Variants in CPQ observed in about 807,000 individuals in gnomAD.
CPQ encodes the protein Ser-Met dipeptidase.
In CPQ, 37 loss-of-function variants were observed where a neutral mutation model predicts 45.7. The ratio of observed to expected loss-of-function variants is 0.81; its 90% CI spans 0.62 to 1.07. CPQ has a LOEUF of 1.07. Among genes scored for constraint, CPQ ranks in the 50% least tolerant of loss-of-function variants. The pLI, the probability that CPQ is intolerant of heterozygous loss-of-function variation, is 0.00. For synonymous variants in CPQ, 186 were observed against 205.8 expected, an observed-to-expected ratio of 0.90 and a Z score of 0.82; for missense variants, 537 against 572.9, an observed-to-expected ratio of 0.94 and a Z score of 0.64.
intron 6 of CPQ, among the ~76,000 whole-genome samples, chr8:97,059,088 CG>C (rs1338337901): frequency 1.2e-4 from 18 of 152,146 alleles, no homozygotes; most frequent in Admixed American, 3.9e-4. Flanking sequence ...GAGTTATCCA[CG>C]GACCTTAACA....
intron 5 of CPQ, among the ~76,000 whole-genome samples, chr8:97,020,283 G>A (rs1809655638): frequency 6.6e-6 from 1 of 152,004 alleles, no homozygotes; most frequent in African/African-American, 2.4e-5. Flanking sequence ...GTCTGAAAGA[G>A]CACAAATTGA....
At chr8:96,938,121 C>T (rs187093467) in intron 4 of CPQ, among the ~76,000 whole-genome samples, 7 of 152,286 alleles carry the variant, frequency 4.6e-5, no homozygotes, top group East Asian at 3.9e-4. Flanking sequence ...CTTTCACCAG[C>T]GTTAACAACT....
rs746048796 is a variant in CPQ at position 96,784,939 on chromosome 8, T to C, written c.42T>C (p.Leu14=). Reference sequence around the variant, plus strand: ...TCGCATTTTTCGGTGGTGTTCACCTTTTATCCCTGTGCTCTGGGAAAGCTA... The same window carrying C: ...TCGCATTTTTCGGTGGTGTTCACCTCTTATCCCTGTGCTCTGGGAAAGCTA... ...LIFAFFGGVH[L]LSLCSGKAIC... is the part of the protein sequence containing the mutation. Residue 14 remains leucine, a synonymous_variant, in exon 2 of 8, where the codon CTT becomes CTC. Coordinates refer to ENST00000220763, the MANE Select transcript of CPQ (RefSeq NM_016134.4). 6.2e-7 allele frequency: 1 copy of C among 1,613,606 alleles called. No homozygotes were observed. The highest frequency in any genetic ancestry group is 1.3e-5 in the African/African-American group (1 of 75,010).
chr8:96,742,887 TTC>T (rs1222565923), intron 1 of CPQ, among the ~76,000 whole-genome samples: 1 of 152,152 alleles, frequency 6.6e-6, no homozygotes, highest in Non-Finnish European at 1.5e-5. Context: ...AACCCGACCT[TTC>T]TCTCTGGCTG....
chr8:96,685,564 C>G (rs555665357), intron 1 of CPQ, among the ~76,000 whole-genome samples: 4 of 151,972 alleles, frequency 2.6e-5, no homozygotes, highest in Non-Finnish European at 5.9e-5. Flanking sequence ...TCTGGGTTCT[C>G]TGTTCTGTTT....
chr8:96,691,965 C>G (rs111806573), intron 1 of CPQ, among the ~76,000 whole-genome samples: 3,696 of 152,044 alleles, frequency 0.024, 165 homozygotes, highest in African/African-American at 0.084. Context: ...CACTGAACAC[C>G]CTGGGCATTA....
At chr8:96,890,556 T>C (rs148925274) in intron 4 of CPQ, among the ~76,000 whole-genome samples, 105 of 152,352 alleles carry the variant, frequency 6.9e-4, no homozygotes, top group African/African-American at 2.5e-3. Context: ...AAGGATCTCC[T>C]GTATTCCATG....
At position 97,029,385 on chromosome 8, in the gene CPQ, A is replaced by T. The variant is rs1223724169; in HGVS notation, c.962-18A>T. The T allele has an allele frequency of 6.4e-7, 1 of 1,565,346 alleles. No individual in the cohort carries two copies. The highest frequency in any genetic ancestry group is 1.9e-5 in the Admixed American group (1 of 53,716). The stretch of plus-strand genomic sequence containing the variant: ...AAATCAACTAAAGTATCACTTTTTT[A>T]TTTTATTATTTTCCCAGGGCTGCGT... On this transcript the variant is annotated intron_variant, in intron 5 of 7. Transcript: ENST00000220763.
intron 3 of CPQ, among the ~76,000 whole-genome samples, chr8:96,849,463 G>A (rs996551931): frequency 6.6e-5 from 10 of 152,038 alleles, no homozygotes; most frequent in South Asian, 2.1e-4. Flanking sequence ...TAGTAGTCCC[G>A]GGACACATTC....
chr8:97,093,822 G>A (rs1159608424), intron 7 of CPQ, among the ~76,000 whole-genome samples: 1 of 152,092 alleles, frequency 6.6e-6, no homozygotes, highest in Non-Finnish European at 1.5e-5. Flanking sequence ...CTATTCATTT[G>A]CCTTCTACTT....
intron 2 of CPQ, among the ~76,000 whole-genome samples, chr8:96,798,588 G>A (rs1252495517): frequency 6.6e-6 from 1 of 151,942 alleles, no homozygotes; most frequent in African/African-American, 2.4e-5. Flanking sequence ...CTCAACATGT[G>A]AGTACCCCTT....
Position 96,700,465 on chromosome 8 carries a change from G to A in CPQ, c.-35+55063G>A, listed in dbSNP as rs137975283. Among the ~76,000 whole-genome samples, 278 of 152,202 alleles carry A rather than the reference G, an allele frequency of 1.8e-3. 1 individual carries two copies. Among genetic ancestry groups the A allele is most frequent in the African/African-American group, 6.3e-3 (263 of 41,536 alleles). On this transcript the variant is annotated intron_variant, in intron 1 of 7. Transcript: ENST00000220763. ...GTTGAGTGCGTGGACCAGTGACTGA[G>A]ACACAAAATGGAGATGCAGTTGTCT...
intron 1 of CPQ, among the ~76,000 whole-genome samples, chr8:96,676,800 T>C (rs760243968): frequency 1.3e-5 from 2 of 152,006 alleles, no homozygotes; most frequent in Non-Finnish European, 2.9e-5. Context: ...CTGTACCCAA[T>C]ATGAAGTCTT....
intron 6 of CPQ, among the ~76,000 whole-genome samples, chr8:97,053,434 G>A (rs2130509422): frequency 6.6e-6 from 1 of 152,272 alleles, no homozygotes; most frequent in Admixed American, 6.5e-5. Context: ...TATGGAGGTG[G>A]TAATATTTGG....
At chr8:96,898,902 C>A (rs1365993307) in intron 4 of CPQ, among the ~76,000 whole-genome samples, 1 of 151,800 alleles carries the variant, frequency 6.6e-6, no homozygotes, top group South Asian at 2.1e-4. Context: ...TCCAGCCACC[C>A]AGAAACCAAG....
At chr8:96,766,577 A>G (rs1810470540) in intron 1 of CPQ, among the ~76,000 whole-genome samples, 1 of 152,160 alleles carries the variant, frequency 6.6e-6, no homozygotes, top group African/African-American at 2.4e-5. Flanking sequence ...GGCAGCAGCC[A>G]TCATCTGTCC....
intron 1 of CPQ, among the ~76,000 whole-genome samples, chr8:96,736,718 C>T (rs907357162): frequency 6.6e-5 from 10 of 152,108 alleles, no homozygotes; most frequent in Non-Finnish European, 4.4e-5. Context: ...ATATCTGGCC[C>T]AGCAATTGCA....
chr8:96,897,954 A>C (rs1372221520), intron 4 of CPQ, among the ~76,000 whole-genome samples: 1 of 152,200 alleles, frequency 6.6e-6, no homozygotes, highest in African/African-American at 2.4e-5. Flanking sequence ...TCTTTCAAAA[A>C]GAATTATGGT....
chr8:96,694,789 G>A (rs113380902), intron 1 of CPQ, among the ~76,000 whole-genome samples: 3,694 of 152,224 alleles, frequency 0.024, 165 homozygotes, highest in African/African-American at 0.084. Context: ...GGAAATTTAT[G>A]TGTATAAGCA....
Sources: gnomAD v4.1 joint callset for allele counts (sites outside exome capture counted in the v4.1 genomes callset) on GRCh38, gnomAD v4.1.1 for gene constraint, MANE v1.5 for transcripts, NCBI Gene and HGNC (gene_info 2026-07-23, HGNC 2026-07-21) for gene names.